Variants in SEZ6L2 observed in about 807,000 individuals in gnomAD.
The protein encoded by SEZ6L2 is seizure 6-like protein 2.
In SEZ6L2, 44 loss-of-function variants were observed where a neutral mutation model predicts 97.0. The observed-to-expected ratio is 0.45, with a 90% CI of 0.36 to 0.58. The LOEUF is 0.58. Ranked by LOEUF, SEZ6L2 falls within the 20% of genes least tolerant of loss-of-function variation. The pLI is 0.00. For missense variants in SEZ6L2, 1,086 were observed against 1,233.3 expected, an observed-to-expected ratio of 0.88 and a Z score of 1.79; for synonymous variants, 543 against 546.1, an observed-to-expected ratio of 0.99 and a Z score of 0.08.
chr16:29,896,204 T>C (rs1447828135), intron 3 of SEZ6L2, among the ~76,000 whole-genome samples: 1 of 152,198 alleles, frequency 6.6e-6, no homozygotes, highest in Non-Finnish European at 1.5e-5. Flanking sequence ...CCTCAAGCGA[T>C]CCTCCTGCCT....
At chr16:29,886,017 G>A (rs903571093) in intron 7 of SEZ6L2, 9 of 299,812 alleles carry the variant, frequency 3.0e-5, no homozygotes, top group African/African-American at 1.7e-4. Flanking sequence ...GCAAGTAGTG[G>A]CAGGGCTGAG....
intron 8 of SEZ6L2, 105 bp from the exon 9 acceptor site, chr16:29,880,169 CTTTT>C: frequency 3.8e-6 from 3 of 789,726 alleles, no homozygotes; most frequent in Admixed American, 3.3e-5. Flanking sequence ...ACTCACTGGG[CTTTT>C]TTTTTTTTTT....
chr16:29,890,000 C>T (rs539551722), intron 5 of SEZ6L2, among the ~76,000 whole-genome samples: 2 of 152,090 alleles, frequency 1.3e-5, no homozygotes, highest in East Asian at 3.9e-4. Context: ...CCTCCGTCTC[C>T]CGGGTTCAAG....
chr16:29,873,879 C>A lies in SEZ6L2; in HGVS notation c.2105-150G>T. On this transcript the variant is annotated intron_variant, in intron 12 of 17. Coordinates refer to ENST00000617533, the MANE Select transcript of SEZ6L2 (RefSeq NM_001243332.2). The surrounding 1 kb of genome is among the most constrained non-coding windows in gnomAD (Gnocchi z 4.3). ...GTTCCAGCTACTCAGGAGTTGGAGGCGGGATGATCGCTCGAACCCAGCAGG... is the reference window on the plus strand; with the variant it reads ...GTTCCAGCTACTCAGGAGTTGGAGGAGGGATGATCGCTCGAACCCAGCAGG... 1.4e-6 allele frequency: 1 copy of A among 705,732 alleles called. No homozygotes were observed. The highest frequency in any genetic ancestry group is 2.3e-6 in the Non-Finnish European group (1 of 437,252). 43.7% of individuals were successfully genotyped at this position (705,732 alleles called of 1,614,324 possible).
intron 8 of SEZ6L2, among the ~76,000 whole-genome samples, chr16:29,884,333 T>C (rs980849537): frequency 1.1e-4 from 17 of 152,138 alleles, no homozygotes; most frequent in Admixed American, 6.6e-5. Context: ...GGCTTACACC[T>C]GTAATCCTGG....
Position 29,872,452 on chromosome 16 carries a change from A to C in SEZ6L2, c.2602T>G (p.Leu868Val). ...LALAILLPLG[L>V]VIVLGSGVYI... The stretch of plus-strand genomic sequence containing the variant: ...ACGCCACTGCCGAGGACAATGACCA[A>C]GCCTAGAGGCAGCAGGATGGCCAGG... The change falls in exon 16 of 18, where the codon TTG becomes GTG. Residue 868 changes from leucine (L) to valine (V), a missense_variant. Around this residue, in one of 2 missense-constraint regions of SEZ6L2, gnomAD observed 310 missense variants for 438.6 expected, o/e 0.71. Coordinates refer to ENST00000617533, the MANE Select transcript of SEZ6L2 (RefSeq NM_001243332.2). The C allele has an allele frequency of 6.2e-7, 1 of 1,614,242 alleles. No homozygotes were observed.
At chr16:29,871,998 T>C (rs772003285) in intron 17 of SEZ6L2, among the ~76,000 whole-genome samples, 189 bp downstream of exon 17, 1 of 152,112 alleles carries the variant, frequency 6.6e-6, no homozygotes, top group Non-Finnish European at 1.5e-5. Flanking sequence ...GGGGCACAAG[T>C]CCTCCACTTA....
At chr16:29,890,926 T>A (rs887029257) in intron 5 of SEZ6L2, among the ~76,000 whole-genome samples, 1 of 150,910 alleles carries the variant, frequency 6.6e-6, no homozygotes, top group Admixed American at 6.6e-5. Context: ...TTTTGGTATT[T>A]TTATTATTAT....
chr16:29,881,395 G>C (rs965471981), intron 8 of SEZ6L2, among the ~76,000 whole-genome samples: 1 of 152,100 alleles, frequency 6.6e-6, no homozygotes, highest in African/African-American at 2.4e-5. Flanking sequence ...AGAACTGGCT[G>C]GTGTAGGTGT....
chr16:29,877,562 T>C lies in SEZ6L2; in HGVS notation c.1713-95A>G, dbSNP rs1288167117. 4.4e-6 allele frequency: 5 copies of C among 1,149,132 alleles called. No individual in the cohort carries two copies. The Admixed American group carries it at 8.6e-5, about 20-fold the overall frequency. The allele number at this position is 1,149,132 out of a possible 1,614,324, so 71.2% of individuals were successfully genotyped here. ...CTCAACTCTGCTCATTGGTAGCCCC[T>C]CCTACTCTCCAGCCCCGCCCATATT... On this transcript the variant is annotated intron_variant, in intron 10 of 17. Transcript: ENST00000617533.
intron 6 of SEZ6L2, 21 bp from the exon 7 acceptor site, chr16:29,887,838 C>A: frequency 6.2e-7 from 1 of 1,612,292 alleles, no homozygotes; most frequent in African/African-American, 1.3e-5. Flanking sequence ...AGGAGGGGTA[C>A]GTTAAGGCCA....
chr16:29,874,555 T>TTTTTTTTG (rs2067860917), intron 12 of SEZ6L2, among the ~76,000 whole-genome samples: 1 of 75,280 alleles, frequency 1.3e-5, no homozygotes, highest in Non-Finnish European at 2.6e-5. Context: ...TGCTTGTTTT[T>TTTTTTTTG]TTTTTTTTTT....
intron 5 of SEZ6L2, among the ~76,000 whole-genome samples, chr16:29,893,535 T>C (rs2150812404): frequency 6.7e-6 from 1 of 150,360 alleles, no homozygotes; most frequent in Non-Finnish European, 1.5e-5. Context: ...TAATCCCAGA[T>C]ACTGGGGAGG....
chr16:29,874,674 G>A (rs1334201936), intron 12 of SEZ6L2, among the ~76,000 whole-genome samples: 1 of 144,080 alleles, frequency 6.9e-6, no homozygotes, highest in Non-Finnish European at 1.5e-5. Flanking sequence ...GGACTCAAGA[G>A]ATTCTCCTGC....
chr16:29,893,137 C>T (rs1480555138), intron 5 of SEZ6L2, among the ~76,000 whole-genome samples: 1 of 151,882 alleles, frequency 6.6e-6, no homozygotes, highest in Non-Finnish European at 1.5e-5. Flanking sequence ...CCAGCCTGAC[C>T]AACATGGAGA....
Position 29,879,799 on chromosome 16 carries a change from G to A in SEZ6L2, c.1573+65C>T, listed in dbSNP as rs531877023. ...GCAGCCTTCCTTTCTGAACGGCCTT[G>A]CTGGGATCCCCAGTTCAGGGGGCAA... On this transcript the variant is annotated intron_variant, in intron 9 of 17. Transcript: ENST00000617533. The A allele has an allele frequency of 6.6e-5, 94 of 1,429,904 alleles. 1 individual carries two copies. In the African/African-American group the frequency reaches 1.2e-3, roughly 18 times the overall value. 88.6% of individuals were successfully genotyped at this position (1,429,904 alleles called of 1,614,324 possible). A position where few individuals can be genotyped will look rare whatever the true frequency, so the allele number is the denominator to read the frequency against.
intron 11 of SEZ6L2, 89 bp from the exon 12 acceptor site, chr16:29,877,039 G>A (rs765910985): frequency 8.2e-6 from 11 of 1,346,508 alleles, no homozygotes; most frequent in African/African-American, 7.3e-5. Flanking sequence ...GCCCCCTCCC[G>A]GGATCTGTCT....
At position 29,897,003 on chromosome 16, in the gene SEZ6L2, G is replaced by T. The variant is rs762531748; in HGVS notation, c.330C>A (p.Asn110Lys). ...CAGTGGGGCCTGCCCCCCTGACCCCGTTAGGGGTGACGGCTGTTGTCAGAG... is the reference window on the plus strand; with the variant it reads ...CAGTGGGGCCTGCCCCCCTGACCCCTTTAGGGGTGACGGCTGTTGTCAGAG... ...TGPLTTAVTP[N>K]GVRGAGPTAP... The change falls in exon 3 of 18, where the codon AAC (asparagine) becomes AAA (lysine). Residue 110 changes from asparagine to lysine, a missense_variant. Asn to Lys is a moderately conservative substitution (Grantham distance 94). Around this residue, in one of 2 missense-constraint regions of SEZ6L2, gnomAD observed 776 missense variants for 794.7 expected, o/e 0.98. Coordinates refer to ENST00000617533, the MANE Select transcript of SEZ6L2 (RefSeq NM_001243332.2). 7 of 1,586,334 alleles carry T rather than the reference G, an allele frequency of 4.4e-6. No homozygotes were observed. The highest frequency in any genetic ancestry group is 3.4e-5 in the South Asian group (3 of 88,516).
At chr16:29,872,808 C>T (rs910488430) in intron 14 of SEZ6L2, 65 bp from the exon 15 acceptor site, 8 of 1,338,042 alleles carry the variant, frequency 6.0e-6, no homozygotes, top group African/African-American at 4.3e-5. Context: ...TGGGAGGGGC[C>T]GGGAGCCCGG....
Sources: gnomAD v4.1 joint callset for allele counts (sites outside exome capture counted in the v4.1 genomes callset) on GRCh38, gnomAD v4.1.1 for gene constraint, gnomAD v4.1.1 regional missense constraint, Gnocchi (gnomAD v3.1) non-coding constraint, MANE v1.5 for transcripts, NCBI Gene and HGNC (gene_info 2026-07-23, HGNC 2026-07-21) for gene names.